Variants in USP53 observed in about 807,000 individuals in gnomAD.
USP53 encodes the protein ubiquitin specific peptidase 53, also known as ubiquitin carboxyl-terminal hydrolase 53.
In USP53, 71 loss-of-function variants were observed where a neutral mutation model predicts 94.9. That is an observed-to-expected ratio of 0.75 (90% CI 0.62 to 0.91). The LOEUF is 0.91. Among genes scored for constraint, USP53 ranks in the 40% least tolerant of loss-of-function variants. The probability of loss-of-function intolerance (pLI) is 0.00; values close to 1 mark genes in which losing one functional copy is unlikely to be tolerated. For missense variants in USP53, 1,173 were observed against 1,281.0 expected (o/e 0.92, Z 1.29); for synonymous variants, 375 against 422.7 (o/e 0.89, Z 1.39).
At chr4:119,274,596 A>C (rs375220385) in intron 17 of USP53, among the ~76,000 whole-genome samples, 8 of 151,454 alleles carry the variant, frequency 5.3e-5, no homozygotes, top group African/African-American at 9.7e-5. Flanking sequence ...ATTTATAGTC[A>C]TTTGGGTATA....
intron 17 of USP53, among the ~76,000 whole-genome samples, chr4:119,278,283 T>C (rs1400066493): frequency 6.6e-6 from 1 of 151,994 alleles, no homozygotes; most frequent in Non-Finnish European, 1.5e-5. Flanking sequence ...GGAGCTCTTT[T>C]AGGGCAGGCC....
At chr4:119,252,136 A>G (rs1365236453) in intron 7 of USP53, among the ~76,000 whole-genome samples, 5 of 152,210 alleles carry the variant, frequency 3.3e-5, no homozygotes, top group African/African-American at 9.6e-5. Flanking sequence ...TCGGTTTGCC[A>G]GAATTTTATT....
Position 119,272,002 on chromosome 4 carries a change from T to G in USP53, c.2142T>G (p.Asp714Glu), listed in dbSNP as rs371129416. The change falls in exon 16 of 19, where the codon GAT becomes GAG. Residue 714 changes from aspartate (D) to glutamate (E), a missense_variant. Coordinates refer to ENST00000692078, the MANE Select transcript of USP53 (RefSeq NM_001371395.1). ...PVIDGNGTVM[D>E]ISGVKETVCF... ...TCGATGGAAATGGTACAGTAATGGATATCAGTGGTGTTAAAGAAACAGTAT... is the reference window on the plus strand; with the variant it reads ...TCGATGGAAATGGTACAGTAATGGAGATCAGTGGTGTTAAAGAAACAGTAT... 1 of 1,603,042 alleles carries G rather than the reference T, an allele frequency of 6.2e-7. No homozygotes were observed. Among genetic ancestry groups the G allele is most frequent in the South Asian group, 1.1e-5 (1 of 88,336 alleles).
At chr4:119,248,988 T>C in intron 7 of USP53, 106 bp downstream of exon 7, 1 of 1,396,966 alleles carries the variant, frequency 7.2e-7, no homozygotes, top group Non-Finnish European at 9.7e-7. Flanking sequence ...AATAGAAAAA[T>C]GTCAAAACTG....
rs1232901681 is a variant in USP53 at position 119,289,575 on chromosome 4, G to A, written c.2252-1590G>A. ...AAACTGTAGCTATCATTATTGTGGT[G>A]GTACATGACTAAAATAATTTTATAC... On this transcript the variant is annotated intron_variant, in intron 17 of 18. Transcript: ENST00000692078. Among the ~76,000 whole-genome samples the A allele has an allele frequency of 2.6e-5, 4 of 152,236 alleles. No individual in the cohort carries two copies. The East Asian group carries it at 5.8e-4, about 22-fold the overall frequency.
rs963605245 is a variant in USP53 at position 119,214,092 on chromosome 4, A to G, written c.-919A>G. The G allele has an allele frequency of 6.6e-6, 1 of 151,434 alleles. No homozygotes were observed. The highest frequency in any genetic ancestry group is 2.4e-5 in the African/African-American group (1 of 41,054). 9.4% of individuals were successfully genotyped at this position (151,434 alleles called of 1,614,324 possible). On this transcript the variant is annotated 5_prime_UTR_variant, in exon 2 of 19. Transcript: ENST00000692078. The stretch of plus-strand genomic sequence containing the variant: ...CAGTTCCGTGATGATGGTCTAAGCA[A>G]AGACCCTTCGTCCTGTTAAAGATAA...
chr4:119,258,509 T>C (rs1750054622), intron 9 of USP53, among the ~76,000 whole-genome samples: 1 of 152,230 alleles, frequency 6.6e-6, no homozygotes, highest in African/African-American at 2.4e-5. Context: ...TGTTTAAGTA[T>C]TAGTCTGTTC....
At chr4:119,285,898 C>G (rs2149471865) in intron 17 of USP53, among the ~76,000 whole-genome samples, 1 of 151,898 alleles carries the variant, frequency 6.6e-6, no homozygotes. Context: ...TTTTTTAAAA[C>G]TAAACTTCTG....
intron 2 of USP53, among the ~76,000 whole-genome samples, chr4:119,215,021 CTG>C (rs1226780501): frequency 6.6e-6 from 1 of 152,112 alleles, no homozygotes; most frequent in African/African-American, 2.4e-5. Context: ...ACAGCTTTAA[CTG>C]TAAGGTATTT....
Position 119,213,660 on chromosome 4 carries a change from A to ATATGTGTGTGTGTGTGTGTGTGTG in USP53, c.-941-409_-941-408insATGTGTGTGTGTGTGTGTGTGTGT. ...GAAATAGATATATATATATATATAT[A>ATATGTGTGTGTGTGTGTGTGTGTG]TGTGTGTGTGTGTATGTATGTATGT... On this transcript the variant is annotated intron_variant, in intron 1 of 18. Transcript: ENST00000692078. Among the ~76,000 whole-genome samples, 100 of 117,772 alleles carry ATATGTGTGTGTGTGTGTGTGTGTG rather than the reference A, an allele frequency of 8.5e-4. 2 individuals are homozygous for ATATGTGTGTGTGTGTGTGTGTGTG. The highest frequency in any genetic ancestry group is 3.5e-3 in the African/African-American group (98 of 27,784). The allele number at this position is 117,772 out of a possible 152,430, so 77.3% of individuals were successfully genotyped here. A position where few individuals can be genotyped will look rare whatever the true frequency, so the allele number is the denominator to read the frequency against.
At chr4:119,259,616 T>G (rs1750225523) in intron 9 of USP53, among the ~76,000 whole-genome samples, 2 of 152,214 alleles carry the variant, frequency 1.3e-5, no homozygotes, top group South Asian at 4.1e-4. Flanking sequence ...TTTTCTTTAT[T>G]TGAGCTAATT....
intron 9 of USP53, among the ~76,000 whole-genome samples, chr4:119,257,617 A>G (rs549426072): frequency 1.3e-5 from 2 of 152,352 alleles, no homozygotes; most frequent in South Asian, 4.1e-4. Context: ...AGTAAATATC[A>G]TGTTTATTCA....
intron 3 of USP53, among the ~76,000 whole-genome samples, chr4:119,234,130 C>T (rs1746423973): frequency 6.6e-6 from 1 of 152,190 alleles, no homozygotes; most frequent in African/African-American, 2.4e-5. Context: ...ATATAATAAT[C>T]TCCTGTACTC....
At chr4:119,245,759 C>T (rs1748148561) in intron 6 of USP53, among the ~76,000 whole-genome samples, 1 of 152,122 alleles carries the variant, frequency 6.6e-6, no homozygotes, top group South Asian at 2.1e-4. Context: ...GAGGATACAG[C>T]AGTGAACAAA....
At chr4:119,250,406 A>C (rs939267236) in intron 7 of USP53, among the ~76,000 whole-genome samples, 3 of 152,218 alleles carry the variant, frequency 2.0e-5, no homozygotes, top group Admixed American at 6.5e-5. Flanking sequence ...GAGCATCTTC[A>C]TGGTTTCCTT....
chr4:119,269,608 C>A, intron 14 of USP53, 83 bp from the exon 15 acceptor site: 1 of 963,902 alleles, frequency 1.0e-6, no homozygotes, highest in Non-Finnish European at 1.4e-6. Flanking sequence ...TATATCTTAA[C>A]ATTTTTATAT....
intron 17 of USP53, among the ~76,000 whole-genome samples, chr4:119,280,934 T>A (rs570416240): frequency 2.4e-4 from 36 of 152,338 alleles, no homozygotes; most frequent in Middle Eastern, 3.4e-3. Flanking sequence ...GCTAGTCTTC[T>A]AACCAGGCCT....
chr4:119,249,923 C>T (rs929246329), intron 7 of USP53, among the ~76,000 whole-genome samples: 7 of 152,214 alleles, frequency 4.6e-5, no homozygotes, highest in African/African-American at 1.7e-4. Flanking sequence ...CTCAGCCTCC[C>T]AAAGTGCTGG....
Position 119,260,494 on chromosome 4 carries a change from T to A in USP53, c.676-13T>A. On this transcript the variant is annotated splice_polypyrimidine_tract_variant and intron_variant, in intron 10 of 18. Transcript: ENST00000692078. ...TGTTTTCATAATTTTAAAACTTTTATGTTTTTCTGTAGAGTAACTGTGGCC... is the reference window on the plus strand; with the variant it reads ...TGTTTTCATAATTTTAAAACTTTTAAGTTTTTCTGTAGAGTAACTGTGGCC... The A allele has an allele frequency of 3.1e-6, 5 of 1,611,126 alleles. No homozygotes were observed. Among genetic ancestry groups the A allele is most frequent in the Non-Finnish European group, 4.2e-6 (5 of 1,178,308 alleles).
Sources: gnomAD v4.1 joint callset for allele counts (sites outside exome capture counted in the v4.1 genomes callset) on GRCh38, gnomAD v4.1.1 for gene constraint, MANE v1.5 for transcripts, NCBI Gene and HGNC (gene_info 2026-07-23, HGNC 2026-07-21) for gene names.